The following BNC2 variants were observed in gnomAD, a reference collection of about 807,000 sequenced individuals.
BNC2 encodes basonuclin zinc finger protein 2.
BNC2 carries 20 observed loss-of-function variants against 76.3 expected under a neutral mutation model. That is an observed-to-expected ratio of 0.26 (90% CI 0.18 to 0.38). The LOEUF (loss-of-function observed/expected upper bound fraction) is 0.38. Ranked by LOEUF, BNC2 falls within the 10% of genes least tolerant of loss-of-function variation. The probability of loss-of-function intolerance (pLI) is 1.00; values close to 1 mark genes in which losing one functional copy is unlikely to be tolerated. For synonymous variants in BNC2, 582 were observed against 514.8 expected (o/e 1.13, Z -1.77); for missense variants, 1,382 against 1,399.8 (o/e 0.99, Z 0.20).
chr9:16,706,912 C>T (rs1260200090), intron 3 of BNC2, among the ~76,000 whole-genome samples: 2 of 152,158 alleles, frequency 1.3e-5, no homozygotes, highest in African/African-American at 2.4e-5. Context: ...ATATAAAATA[C>T]AGCAAGAAGG....
intron 3 of BNC2, among the ~76,000 whole-genome samples, chr9:16,671,674 G>A (rs186293308): frequency 6.6e-6 from 1 of 152,254 alleles, no homozygotes; most frequent in East Asian, 1.9e-4. Flanking sequence ...TGAGAAGCAG[G>A]CTCTGGTTGG....
chr9:16,574,091 G>A (rs973222188), intron 4 of BNC2, among the ~76,000 whole-genome samples: 16 of 151,232 alleles, frequency 1.1e-4, no homozygotes, highest in African/African-American at 3.4e-4. Flanking sequence ...CGACCCAGCC[G>A]AATCTCCTAG....
chr9:16,783,146 C>T (rs1193731868), intron 1 of BNC2, among the ~76,000 whole-genome samples: 1 of 152,060 alleles, frequency 6.6e-6, no homozygotes, highest in Non-Finnish European at 1.5e-5. Flanking sequence ...TGCAAATAAA[C>T]AGAAGTAAGT....
chr9:16,687,478 C>T (rs1244919859), intron 3 of BNC2, among the ~76,000 whole-genome samples: 3 of 152,152 alleles, frequency 2.0e-5, no homozygotes, highest in South Asian at 4.1e-4. Flanking sequence ...AATGCTCATT[C>T]TACCCCTCAG....
intron 1 of BNC2, among the ~76,000 whole-genome samples, chr9:16,774,654 T>G (rs1050738013): frequency 6.6e-6 from 1 of 152,250 alleles, no homozygotes; most frequent in African/African-American, 2.4e-5. Flanking sequence ...ATCAAGATAT[T>G]TGCAGTATTG....
chr9:16,558,148 A>G (rs1818896315), intron 4 of BNC2, among the ~76,000 whole-genome samples: 1 of 152,140 alleles, frequency 6.6e-6, no homozygotes, highest in Non-Finnish European at 1.5e-5. Context: ...ATACTCAGAC[A>G]ATACCAGTAT....
At chr9:16,844,520 C>T (rs1225903107) in intron 1 of BNC2, among the ~76,000 whole-genome samples, 6 of 119,872 alleles carry the variant, frequency 5.0e-5, no homozygotes, top group African/African-American at 6.6e-5. Flanking sequence ...TTTTTTGAGA[C>T]GGAGTCTCGC....
Position 16,436,620 on chromosome 9 carries a change from G to C in BNC2, c.1574C>G (p.Thr525Arg), listed in dbSNP as rs1261762457. Residue 525 changes from threonine to arginine, a missense_variant, in exon 6 of 7, where the codon ACA (threonine) becomes AGA (arginine). By Grantham distance (71) the Thr-to-Arg change is moderately conservative. Coordinates refer to ENST00000380672, the MANE Select transcript of BNC2 (RefSeq NM_017637.6). Reference protein sequence around the residue: ...SGAATPVIASTKSNLALTSPG... With the variant: ...SGAATPVIASRKSNLALTSPG... ...GCTTGTGAGTGCCAGATTTGATTTT[G>C]TACTTGCTATGACAGGGGTGGCAGC... 7 of 1,614,124 alleles carry C rather than the reference G, an allele frequency of 4.3e-6. No homozygotes were observed. Among genetic ancestry groups the C allele is most frequent in the Non-Finnish European group, 5.9e-6 (7 of 1,180,018 alleles).
intron 1 of BNC2, among the ~76,000 whole-genome samples, chr9:16,758,682 C>T (rs574078811): frequency 2.6e-5 from 4 of 152,236 alleles, no homozygotes. Context: ...AAAAGTTGGT[C>T]ATGCTTGGGT....
chr9:16,811,755 A>G (rs1293607378), intron 1 of BNC2, among the ~76,000 whole-genome samples: 1 of 152,140 alleles, frequency 6.6e-6, no homozygotes, highest in Non-Finnish European at 1.5e-5. Flanking sequence ...TGCCAAGACA[A>G]CACTAGTGTT....
At chr9:16,794,646 A>G (rs1284664556) in intron 1 of BNC2, among the ~76,000 whole-genome samples, 2 of 152,232 alleles carry the variant, frequency 1.3e-5, no homozygotes, top group African/African-American at 4.8e-5. Context: ...GCAATGAACT[A>G]TAATACTTTA....
chr9:16,847,899 G>C (rs1819027337), intron 1 of BNC2, among the ~76,000 whole-genome samples: 1 of 152,192 alleles, frequency 6.6e-6, no homozygotes, highest in East Asian at 1.9e-4. Flanking sequence ...GGAAACTGGA[G>C]AGACAGGTTA....
At chr9:16,716,196 T>C (rs1013635179) in intron 3 of BNC2, among the ~76,000 whole-genome samples, 3 of 152,186 alleles carry the variant, frequency 2.0e-5, no homozygotes, top group Non-Finnish European at 4.4e-5. Flanking sequence ...TAAGTGAAAA[T>C]GTACTGTAAT....
chr9:16,790,451 ATTGTT>A (rs1227347547), intron 1 of BNC2, among the ~76,000 whole-genome samples: 1 of 152,200 alleles, frequency 6.6e-6, no homozygotes, highest in Non-Finnish European at 1.5e-5. Context: ...AACTCTGAGA[ATTGTT>A]TTATTTATTT....
At chr9:16,867,565 C>T (rs565037594) in intron 1 of BNC2, 2 of 152,024 alleles carry the variant, frequency 1.3e-5, no homozygotes, top group Non-Finnish European at 2.9e-5. Flanking sequence ...TATTTAAAAC[C>T]GTGCTGAACC....
chr9:16,704,579 A>AG (rs1275162189), intron 3 of BNC2, among the ~76,000 whole-genome samples: 1 of 151,626 alleles, frequency 6.6e-6, no homozygotes, highest in Non-Finnish European at 1.5e-5. Context: ...AAAAAAAAAA[A>AG]AAAAGTACCA....
intron 3 of BNC2, among the ~76,000 whole-genome samples, chr9:16,603,888 TA>T (rs201898723): frequency 2.5e-4 from 12 of 48,210 alleles, no homozygotes; most frequent in Non-Finnish European, 9.3e-4. Context: ...AGGTATTTTA[TA>T]AAAAAACATT....
intron 3 of BNC2, among the ~76,000 whole-genome samples, chr9:16,587,986 C>A (rs1449944409): frequency 6.6e-6 from 1 of 152,102 alleles, no homozygotes; most frequent in Non-Finnish European, 1.5e-5. Context: ...GTTTTCCCCT[C>A]TAGAATTTAA....
chr9:16,667,394 A>C (rs1269222985), intron 3 of BNC2, among the ~76,000 whole-genome samples: 2 of 152,210 alleles, frequency 1.3e-5, no homozygotes, highest in African/African-American at 4.8e-5. Context: ...TAGGTGGTAA[A>C]AACAACTAAA....
Sources: allele counts gnomAD v4.1 joint callset (sites outside exome capture counted in the v4.1 genomes callset), GRCh38; gene constraint gnomAD v4.1.1; transcripts MANE v1.5; gene names NCBI Gene and HGNC (gene_info 2026-07-23, HGNC 2026-07-21).